USP48: variants seen among roughly 807,000 people sequenced by gnomAD.
USP48 encodes the protein ubiquitin specific peptidase 48.
A neutral mutation model predicts 150.7 loss-of-function variants in USP48; 43 were observed. The observed-to-expected ratio is 0.29, with a 90% confidence interval of 0.22 to 0.37. The LOEUF (loss-of-function observed/expected upper bound fraction) is 0.37. Among genes scored for constraint, USP48 ranks in the 10% least tolerant of loss-of-function variants. The pLI, the probability that USP48 is intolerant of heterozygous loss-of-function variation, is 1.00. For missense variants in USP48, 813 were observed against 1,249.6 expected, an observed-to-expected ratio of 0.65 and a Z score of 5.27; for synonymous variants, 396 against 425.9, an observed-to-expected ratio of 0.93 and a Z score of 0.86.
At chr1:21,720,543 TA>T (rs1432555041) in intron 14 of USP48, among the ~76,000 whole-genome samples, 2 of 139,610 alleles carry the variant, frequency 1.4e-5, no homozygotes, top group Admixed American at 1.4e-4. Context: ...TTTTTTTTTT[TA>T]AGAGACAGAG....
intron 8 of USP48, 70 bp downstream of exon 8, chr1:21,746,997 T>G (rs1019556805): frequency 3.2e-6 from 4 of 1,267,980 alleles, no homozygotes; most frequent in Non-Finnish European, 4.4e-6. Context: ...CTATTCTATA[T>G]TAATCACAAG....
intron 8 of USP48, among the ~76,000 whole-genome samples, chr1:21,737,086 G>C (rs180989465): frequency 8.5e-5 from 13 of 152,284 alleles, no homozygotes; most frequent in African/African-American, 3.1e-4. Context: ...GGCAAAAACT[G>C]ACGGCAAGTC....
chr1:21,757,467 G>T, intron 2 of USP48, 196 bp downstream of exon 2: 1 of 440,532 alleles, frequency 2.3e-6, no homozygotes, highest in Non-Finnish European at 3.9e-6. Context: ...ACTGAATTAC[G>T]CAGCTGCCTG....
intron 11 of USP48, among the ~76,000 whole-genome samples, chr1:21,725,723 A>G (rs2097735137): frequency 6.7e-6 from 1 of 149,488 alleles, no homozygotes; most frequent in South Asian, 2.1e-4. Flanking sequence ...AGTGCGCTCT[A>G]GCCTGGGCAA....
At chr1:21,692,578 A>G (rs538614119) in intron 23 of USP48, among the ~76,000 whole-genome samples, 2 of 152,358 alleles carry the variant, frequency 1.3e-5, no homozygotes, top group East Asian at 3.9e-4. Context: ...CTGAGAACGG[A>G]CAAGGGCACT....
chr1:21,757,510 T>A, intron 2 of USP48, 153 bp downstream of exon 2: 2 of 665,912 alleles, frequency 3.0e-6, no homozygotes, highest in Non-Finnish European at 4.6e-6. Context: ...GTGTTCCAAT[T>A]CAAGTGGCTT....
intron 6 of USP48, 150 bp downstream of exon 6, chr1:21,751,357 A>C (rs963347471): frequency 1.6e-6 from 1 of 616,228 alleles, no homozygotes; most frequent in Non-Finnish European, 2.8e-6. Flanking sequence ...GGTACTTCAT[A>C]AAGTGTCTTC....
intron 22 of USP48, among the ~76,000 whole-genome samples, chr1:21,699,260 G>A (rs1352460023): frequency 1.4e-5 from 2 of 146,034 alleles, no homozygotes; most frequent in East Asian, 2.0e-4. Flanking sequence ...GTGCAGTGGC[G>A]AGATCACGGC....
intron 6 of USP48, among the ~76,000 whole-genome samples, chr1:21,748,555 G>A (rs546431677): frequency 6.6e-6 from 1 of 152,130 alleles, no homozygotes; most frequent in Non-Finnish European, 1.5e-5. Context: ...CCCACTTCTG[G>A]GAATTCTAAA....
chr1:21,679,985 T>C (rs1433964741), intron 26 of USP48, among the ~76,000 whole-genome samples: 1 of 152,144 alleles, frequency 6.6e-6, no homozygotes, highest in Non-Finnish European at 1.5e-5. Flanking sequence ...TGAGCCACCA[T>C]GCCCGGCCAA....
intron 15 of USP48, among the ~76,000 whole-genome samples, chr1:21,714,764 C>T (rs1281172001): frequency 6.6e-6 from 1 of 152,158 alleles, no homozygotes; most frequent in Non-Finnish European, 1.5e-5. Context: ...TGAACCAATA[C>T]ATAGGATTAA....
At position 21,783,088 on chromosome 1, in the gene USP48, C is replaced by A; in HGVS notation, c.-131G>T. On this transcript the variant is annotated 5_prime_UTR_variant, in exon 1 of 27. Transcript: ENST00000308271. ...GCGCTCCTTCAGGCAGCTGGCCAGT[C>A]AATCACCTGTGCGCGCCACTGCCGC... The A allele has an allele frequency of 7.6e-7, 1 of 1,308,740 alleles. No homozygotes were observed. The highest frequency in any genetic ancestry group is 1.7e-5 in the South Asian group (1 of 57,902). The allele number at this position is 1,308,740 out of a possible 1,614,324, so 81.1% of individuals were successfully genotyped here. A position where few individuals can be genotyped will look rare whatever the true frequency, so the allele number is the denominator to read the frequency against.
At chr1:21,727,178 A>G (rs1225671637) in intron 11 of USP48, among the ~76,000 whole-genome samples, 1 of 152,216 alleles carries the variant, frequency 6.6e-6, no homozygotes, top group Admixed American at 6.5e-5. Flanking sequence ...ACACAAAAAT[A>G]AGATTTAGAA....
At chr1:21,713,153 AGTACAGTG>A (rs965071585) in intron 15 of USP48, among the ~76,000 whole-genome samples, 35 of 150,382 alleles carry the variant, frequency 2.3e-4, no homozygotes, top group African/African-American at 8.3e-4. Context: ...CCCAGGCTGG[AGTACAGTG>A]GCACGTGAAT....
chr1:21,731,465 C>T (rs2097756670), intron 9 of USP48, among the ~76,000 whole-genome samples: 1 of 151,754 alleles, frequency 6.6e-6, no homozygotes, highest in Non-Finnish European at 1.5e-5. Context: ...GGATTTACCA[C>T]GTTGGCCAGG....
chr1:21,728,097 A>G (rs779882591), intron 11 of USP48: 148 of 985,692 alleles, frequency 1.5e-4, no homozygotes, highest in Non-Finnish European at 2.9e-5. Flanking sequence ...GTCAGCAGAA[A>G]GCTTTTCTAC....
rs531576635 is a variant in USP48, at chr1:21,686,898, T to G, written c.3058+293A>C. ...TTCAGAGGTACCTAGGCCTCTAATT[T>G]GTGTGTGCCTGTCTGGGGCACTGCA... On this transcript the variant is annotated intron_variant, in intron 25 of 26. Transcript: ENST00000308271. The G allele has an allele frequency of 7.0e-5, 27 of 385,668 alleles. No individual in the cohort carries two copies. The East Asian group carries it at 1.5e-3, about 21-fold the overall frequency. 23.9% of individuals were successfully genotyped at this position (385,668 alleles called of 1,614,324 possible).
At chr1:21,747,032 G>C (rs781041616) in intron 8 of USP48, 35 bp downstream of exon 8, 3 of 1,478,916 alleles carry the variant, frequency 2.0e-6, no homozygotes, top group Non-Finnish European at 2.8e-6. Context: ...GAGTCTCTGA[G>C]CATTATAATG....
Position 21,748,126 on chromosome 1 carries a change from G to T in USP48, c.908+12C>A. 1 of 1,609,864 alleles carries T rather than the reference G, an allele frequency of 6.2e-7. No individual in the cohort carries two copies. Among genetic ancestry groups the T allele is most frequent in the Non-Finnish European group, 8.5e-7 (1 of 1,178,060 alleles). Reference sequence around the variant, plus strand: ...CAATGAACAACAAACACTAATATTTGCACACATTTACCTGTCAAAGACAAA... The same window carrying T: ...CAATGAACAACAAACACTAATATTTTCACACATTTACCTGTCAAAGACAAA... On this transcript the variant is annotated intron_variant, in intron 7 of 26. Transcript: ENST00000308271.
Sources: gnomAD v4.1 joint callset for allele counts (sites outside exome capture counted in the v4.1 genomes callset) on GRCh38, gnomAD v4.1.1 for gene constraint, MANE v1.5 for transcripts, NCBI Gene and HGNC (gene_info 2026-07-23, HGNC 2026-07-21) for gene names.